Variants in CCSER1 observed in about 807,000 individuals in gnomAD.
The protein encoded by CCSER1 is coiled-coil serine rich protein 1.
Under a neutral mutation model 82.0 loss-of-function variants are expected in CCSER1, and 41 were observed. That is an observed-to-expected ratio of 0.50 (90% CI 0.39 to 0.65). CCSER1 has a LOEUF of 0.65. Ranked by LOEUF, CCSER1 falls within the 30% of genes least tolerant of loss-of-function variation. The pLI is 0.00. For missense variants in CCSER1, 1,119 were observed against 1,064.2 expected (o/e 1.05, Z -0.72); for synonymous variants, 414 against 383.9 (o/e 1.08, Z -0.92).
At chr4:90,800,887 A>T (rs1399564946) in intron 7 of CCSER1, among the ~76,000 whole-genome samples, 1 of 152,218 alleles carries the variant, frequency 6.6e-6, no homozygotes, top group Non-Finnish European at 1.5e-5. Flanking sequence ...TTTAAATTTT[A>T]TGAAAGAATT....
At chr4:91,154,055 A>T (rs1043622418) in intron 10 of CCSER1, among the ~76,000 whole-genome samples, 1 of 151,898 alleles carries the variant, frequency 6.6e-6, no homozygotes, top group African/African-American at 2.4e-5. Context: ...TGGGACATTT[A>T]AGTCTGCAGA....
intron 1 of CCSER1, among the ~76,000 whole-genome samples, chr4:90,262,236 T>A (rs1444253087): frequency 1.3e-5 from 2 of 152,178 alleles, no homozygotes; most frequent in East Asian, 3.8e-4. Flanking sequence ...AAATTTATAT[T>A]TGATTTCTTT....
At position 91,092,256 on chromosome 4, in the gene CCSER1, G is replaced by T. The variant is rs1724042382; in HGVS notation, c.2217+6262G>T. Among the ~76,000 whole-genome samples the T allele has an allele frequency of 2.6e-5, 4 of 152,176 alleles. No individual in the cohort carries two copies. In the South Asian group the frequency reaches 8.3e-4, roughly 31 times the overall value. ...CCTCTGTACTAAGTCAGCCACAAAT[G>T]CTGGCCCATTTTCTGAGCCAATCCG... On this transcript the variant is annotated intron_variant, in intron 10 of 10. Transcript: ENST00000509176.
chr4:91,598,658 G>T lies in CCSER1; in HGVS notation c.2304G>T (p.Arg768Ser). Residue 768 changes from arginine (R) to serine (S), a missense_variant, in exon 11 of 11, where the codon AGG (arginine) becomes AGT (serine). By Grantham distance (110) the Arg-to-Ser change is moderately radical (BLOSUM62 -1). Transcript: ENST00000509176. ...ATACTCCCACCGAGGACCGTTTTAG[G>T]TATTCGGCAGCGGACCAGACAAGCC... Reference protein sequence around the residue: ...AIHTPTEDRFRYSAADQTSPY... With the variant: ...AIHTPTEDRFSYSAADQTSPY... 1.3e-6 allele frequency: 2 copies of T among 1,551,452 alleles called. No homozygotes were observed. Among genetic ancestry groups the T allele is most frequent in the Non-Finnish European group, 1.7e-6 (2 of 1,146,930 alleles).
chr4:90,150,821 AG>A (rs1289026443), intron 1 of CCSER1, among the ~76,000 whole-genome samples: 1 of 152,154 alleles, frequency 6.6e-6, no homozygotes, highest in Non-Finnish European at 1.5e-5. Flanking sequence ...TTTAATAATC[AG>A]TTTGTGTATT....
chr4:90,939,641 G>A (rs956561449), intron 9 of CCSER1, among the ~76,000 whole-genome samples: 1 of 152,014 alleles, frequency 6.6e-6, no homozygotes, highest in African/African-American at 2.4e-5. Context: ...CTACCTGTTG[G>A]GCAAACAGAC....
rs755490676 is a variant in CCSER1, at chr4:90,707,541, AT to A, written c.1933-16372del. ...GTCATTTCTACCTTAAAAAAAAAAT[AT>A]ATATATATATATATAATATTCAAAC... On this transcript the variant is annotated intron_variant, in intron 6 of 10. Transcript: ENST00000509176. Among the ~76,000 whole-genome samples, 933 of 109,376 alleles carry A rather than the reference AT, an allele frequency of 8.5e-3. 5 individuals are homozygous for A. The highest frequency in any genetic ancestry group is 0.035 in the African/African-American group (838 of 23,878). 71.8% of individuals were successfully genotyped at this position (109,376 alleles called of 152,430 possible).
intron 9 of CCSER1, among the ~76,000 whole-genome samples, chr4:91,052,668 A>G (rs750632613): frequency 4.6e-5 from 7 of 152,120 alleles, no homozygotes; most frequent in Non-Finnish European, 8.8e-5. Flanking sequence ...CTGTATCTCT[A>G]TCTGTCTGTC....
At chr4:90,749,986 A>G (rs1453049771) in intron 7 of CCSER1, among the ~76,000 whole-genome samples, 2 of 152,082 alleles carry the variant, frequency 1.3e-5, no homozygotes, top group Non-Finnish European at 2.9e-5. Context: ...TTGCCATTCT[A>G]ACTGGTGTGA....
intron 10 of CCSER1, among the ~76,000 whole-genome samples, chr4:91,538,059 G>T (rs949372722): frequency 6.6e-6 from 1 of 152,112 alleles, no homozygotes; most frequent in African/African-American, 2.4e-5. Flanking sequence ...AACAAAATTT[G>T]CATCAGTAAA....
At chr4:90,277,012 G>T (rs1206150652) in intron 1 of CCSER1, among the ~76,000 whole-genome samples, 4 of 151,856 alleles carry the variant, frequency 2.6e-5, no homozygotes, top group Admixed American at 6.6e-5. Context: ...AGAGTCTTTA[G>T]AGTTTTCTAG....
rs751328043 is a variant in CCSER1, at chr4:90,134,348, C to G, written c.-42+6517C>G. ...TGTGTATTACCTGTCCTTTTGCCAC[C>G]ATCTTGAATGATGCTGCCATTGCTT... is the stretch of plus-strand genomic sequence containing the variant. On this transcript the variant is annotated intron_variant, in intron 1 of 10. Transcript: ENST00000509176. Among the ~76,000 whole-genome samples, 7 of 152,244 alleles carry G rather than the reference C, an allele frequency of 4.6e-5. No individual in the cohort carries two copies. The East Asian group carries it at 9.7e-4, about 21-fold the overall frequency.
intron 4 of CCSER1, among the ~76,000 whole-genome samples, chr4:90,407,517 C>A (rs1047275695): frequency 6.6e-6 from 1 of 152,148 alleles, no homozygotes; most frequent in Non-Finnish European, 1.5e-5. Context: ...GCCAGTATCA[C>A]CCTGATACCA....
intron 3 of CCSER1, among the ~76,000 whole-genome samples, chr4:90,314,837 C>CTTTTTTT (rs765931168): frequency 3.4e-5 from 3 of 87,580 alleles, no homozygotes; most frequent in Non-Finnish European, 6.9e-5. Flanking sequence ...CTCAGATTTA[C>CTTTTTTT]TTTTTTTTTT....
intron 9 of CCSER1, among the ~76,000 whole-genome samples, chr4:90,935,005 C>T (rs762975465): frequency 1.1e-4 from 17 of 148,488 alleles, no homozygotes; most frequent in Admixed American, 6.7e-5. Flanking sequence ...ACAGACATAA[C>T]GACATATGAA....
At chr4:91,528,463 T>C (rs994550844) in intron 10 of CCSER1, among the ~76,000 whole-genome samples, 3 of 152,100 alleles carry the variant, frequency 2.0e-5, no homozygotes, top group Admixed American at 6.5e-5. Context: ...CTTTGACAAA[T>C]TCCTTTTTCC....
intron 10 of CCSER1, among the ~76,000 whole-genome samples, chr4:91,115,129 A>AT (rs1252040447): frequency 1.3e-5 from 2 of 152,216 alleles, no homozygotes; most frequent in African/African-American, 4.8e-5. Flanking sequence ...TGAAGGGCCA[A>AT]TTGAATAATA....
At chr4:91,027,203 A>G (rs561979556) in intron 9 of CCSER1, among the ~76,000 whole-genome samples, 2 of 152,144 alleles carry the variant, frequency 1.3e-5, no homozygotes, top group Middle Eastern at 3.4e-3. Context: ...TGTCCCATAG[A>G]AGATAGTTAT....
At chr4:90,783,539 C>A (rs1020882702) in intron 7 of CCSER1, among the ~76,000 whole-genome samples, 2 of 152,106 alleles carry the variant, frequency 1.3e-5, no homozygotes, top group African/African-American at 4.8e-5. Context: ...TCTAGGGATC[C>A]CATCAGGTTC....
Sources: allele counts gnomAD v4.1 joint callset (sites outside exome capture counted in the v4.1 genomes callset), GRCh38; gene constraint gnomAD v4.1.1; transcripts MANE v1.5; gene names NCBI Gene and HGNC (gene_info 2026-07-23, HGNC 2026-07-21).